The following PACS1 variants were observed in gnomAD, a reference collection of about 807,000 sequenced individuals.
The protein encoded by PACS1 is phosphofurin acidic cluster sorting protein 1.
PACS1 carries 24 observed loss-of-function variants against 115.0 expected under a neutral mutation model. The ratio of observed to expected loss-of-function variants is 0.21; its 90% confidence interval spans 0.15 to 0.29. PACS1 has a LOEUF of 0.29. Among genes scored for constraint, PACS1 ranks in the 10% least tolerant of loss-of-function variants. The pLI, the probability that PACS1 is intolerant of heterozygous loss-of-function variation, is 1.00. For synonymous variants in PACS1, 453 were observed against 504.5 expected, an observed-to-expected ratio of 0.90 and a Z score of 1.37; for missense variants, 838 against 1,251.2, an observed-to-expected ratio of 0.67 and a Z score of 4.98.
Position 66,227,550 on chromosome 11 carries a change from A to G in PACS1, c.1340A>G (p.Asn447Ser). The G allele has an allele frequency of 6.2e-7, 1 of 1,611,590 alleles. No homozygotes were observed. The highest frequency in any genetic ancestry group is 8.5e-7 in the Non-Finnish European group (1 of 1,178,468). ...LEKIKSTWIK[N>S]QDDSLTETDT... Reference sequence around the variant, plus strand: ...AAAATTAAATCTACTTGGATTAAAAACCAAGATGACAGCTTGACTGAAACA... The same window carrying G: ...AAAATTAAATCTACTTGGATTAAAAGCCAAGATGACAGCTTGACTGAAACA... The change falls in exon 11 of 24, where the codon AAC becomes AGC. Residue 447 changes from asparagine (N) to serine (S), a missense_variant. This residue lies in a region of PACS1 where 383 missense variants were observed against 537.0 expected (regional missense o/e 0.71). Coordinates refer to ENST00000320580, the MANE Select transcript of PACS1 (RefSeq NM_018026.4).
At position 66,241,523 on chromosome 11, in the gene PACS1, C is replaced by T. The variant is rs756607682; in HGVS notation, c.2526C>T (p.Asp842=). Residue 842 remains aspartate (D), a synonymous_variant, in exon 22 of 24, where the codon GAC becomes GAT. Coordinates refer to ENST00000320580, the MANE Select transcript of PACS1 (RefSeq NM_018026.4). Reference sequence around the variant, plus strand: ...GGAGGAGGGAAGGCGACAAGAGGGACGCCAGCTCGAAGAACACCCTCAAGA... The same window carrying T: ...GGAGGAGGGAAGGCGACAAGAGGGATGCCAGCTCGAAGAACACCCTCAAGA... ...GERRREGDKR[D]ASSKNTLKSV... The T allele has an allele frequency of 1.5e-5, 24 of 1,614,050 alleles. No individual in the cohort carries two copies. Among genetic ancestry groups the T allele is most frequent in the East Asian group, 6.7e-5 (3 of 44,896 alleles).
intron 2 of PACS1, among the ~76,000 whole-genome samples, chr11:66,205,464 A>G (rs1485512600): frequency 6.6e-6 from 1 of 151,962 alleles, no homozygotes; most frequent in African/African-American, 2.4e-5. Context: ...GATACCCAAT[A>G]TAACCTGATG....
At chr11:66,224,794 A>C (rs1422134695) in intron 10 of PACS1, among the ~76,000 whole-genome samples, 1 of 152,136 alleles carries the variant, frequency 6.6e-6, no homozygotes, top group Non-Finnish European at 1.5e-5. Flanking sequence ...ATTAGGAAAA[A>C]CCACGAGATT....
At chr11:66,130,977 G>A (rs1046491142) in intron 1 of PACS1, among the ~76,000 whole-genome samples, 4 of 151,744 alleles carry the variant, frequency 2.6e-5, no homozygotes, top group African/African-American at 9.7e-5. Flanking sequence ...AGACTGGGGT[G>A]GGAGGATCGC....
intron 1 of PACS1, among the ~76,000 whole-genome samples, chr11:66,153,466 G>A (rs1243849749): frequency 2.6e-5 from 4 of 152,126 alleles, no homozygotes; most frequent in Non-Finnish European, 4.4e-5. Context: ...GCAACATGGT[G>A]AGACCTTTTC....
chr11:66,151,726 A>G (rs1360401644), intron 1 of PACS1, among the ~76,000 whole-genome samples: 5 of 152,252 alleles, frequency 3.3e-5, no homozygotes, highest in African/African-American at 1.2e-4. Context: ...TGGAAAGTCT[A>G]ACTCATACTC....
intron 3 of PACS1, among the ~76,000 whole-genome samples, chr11:66,210,707 A>T (rs564750064): frequency 6.6e-6 from 1 of 152,292 alleles, no homozygotes; most frequent in African/African-American, 2.4e-5. Flanking sequence ...ACTGTTAGCC[A>T]TCTGCTGCAC....
intron 1 of PACS1, among the ~76,000 whole-genome samples, chr11:66,082,024 C>G (rs1209251697): frequency 1.3e-5 from 2 of 152,122 alleles, no homozygotes; most frequent in Non-Finnish European, 2.9e-5. Flanking sequence ...AGCATCAGGA[C>G]TTTATTTTTC....
At chr11:66,238,236 T>C (rs1855742924) in intron 19 of PACS1, 7 of 985,266 alleles carry the variant, frequency 7.1e-6, no homozygotes, top group Non-Finnish European at 8.4e-6. Flanking sequence ...TGTCCACACC[T>C]TAGCACGTCC....
At chr11:66,099,962 C>T (rs1857875904) in intron 1 of PACS1, among the ~76,000 whole-genome samples, 1 of 152,152 alleles carries the variant, frequency 6.6e-6, no homozygotes, top group South Asian at 2.1e-4. Context: ...CTCACTGCAA[C>T]CTCCGCCTCC....
intron 1 of PACS1, among the ~76,000 whole-genome samples, chr11:66,097,710 C>T (rs1431005059): frequency 6.6e-6 from 1 of 152,100 alleles, no homozygotes; most frequent in Non-Finnish European, 1.5e-5. Flanking sequence ...TTCCTGTTGC[C>T]CTGTATCTCC....
At chr11:66,176,959 A>AT (rs1261757630) in intron 1 of PACS1, among the ~76,000 whole-genome samples, 2 of 152,164 alleles carry the variant, frequency 1.3e-5, no homozygotes, top group African/African-American at 4.8e-5. Context: ...TGTTGTTTGC[A>AT]TGCCATTCTC....
Position 66,238,352 on chromosome 11 carries a change from C to CCT in PACS1, c.2251-451_2251-450dup, listed in dbSNP as rs1855744305. ...CATCAGGACATCACAGTGATTCCTG[C>CCT]CTTCAGCCCTTTATCCCCAGAGAAG... On this transcript the variant is annotated intron_variant, in intron 19 of 23. Coordinates refer to ENST00000320580, the MANE Select transcript of PACS1 (RefSeq NM_018026.4). The CCT allele has an allele frequency of 3.0e-6, 3 of 984,362 alleles. No individual in the cohort carries two copies. In the African/African-American group the frequency reaches 5.2e-5, roughly 17 times the overall value. 61.0% of individuals were successfully genotyped at this position (984,362 alleles called of 1,614,324 possible). A position where few individuals can be genotyped will look rare whatever the true frequency, so the allele number is the denominator to read the frequency against.
chr11:66,079,191 CA>C (rs1216844641), intron 1 of PACS1, among the ~76,000 whole-genome samples: 1 of 151,998 alleles, frequency 6.6e-6, no homozygotes, highest in Non-Finnish European at 1.5e-5. Flanking sequence ...AGCCTCTTTT[CA>C]GTTGTTTTTC....
rs1441019259 is a variant in PACS1, at chr11:66,070,680, C to A, written c.194C>A (p.Ala65Asp). The A allele has an allele frequency of 6.3e-7, 1 of 1,576,372 alleles. No homozygotes were observed. Among genetic ancestry groups the A allele is most frequent in the East Asian group, 2.4e-5 (1 of 41,970 alleles). The change falls in exon 1 of 24, where the codon GCC (alanine) becomes GAC (aspartate). Residue 65 changes from alanine to aspartate, a missense_variant. Transcript: ENST00000320580. This position sits in a 1 kb window ranked among gnomAD's most constrained non-coding sequence, Gnocchi z 5.9. The part of the protein sequence containing the change: ...SSSSSTSAAA[A>D]SSSSSSTSTS... ...TCCTCGTCCACCTCGGCGGCGGCTG[C>A]CTCCTCCTCGTCCTCGTCTACCTCC...
chr11:66,196,712 G>A (rs903389421), intron 2 of PACS1, among the ~76,000 whole-genome samples: 19 of 151,876 alleles, frequency 1.3e-4, no homozygotes, highest in African/African-American at 3.9e-4. Context: ...ATTCTCCTGC[G>A]TCAGCCTCCT....
chr11:66,216,668 C>T (rs1157914808), intron 6 of PACS1, 27 bp from the exon 7 acceptor site: 14 of 1,611,132 alleles, frequency 8.7e-6, no homozygotes, highest in African/African-American at 4.0e-5. Context: ...GGTTTCCCAC[C>T]CTCATTCTGT....
intron 1 of PACS1, among the ~76,000 whole-genome samples, chr11:66,093,189 C>T (rs1037773714): frequency 1.3e-5 from 2 of 152,170 alleles, no homozygotes; most frequent in Admixed American, 6.6e-5. Context: ...TCTTTTATTT[C>T]ATTGAGCAGT....
At chr11:66,094,132 A>G (rs1449707911) in intron 1 of PACS1, among the ~76,000 whole-genome samples, 1 of 151,080 alleles carries the variant, frequency 6.6e-6, no homozygotes, top group Non-Finnish European at 1.5e-5. Context: ...TCACAATTAA[A>G]AGAACTAGAA....
Sources: gnomAD v4.1 joint callset for allele counts (sites outside exome capture counted in the v4.1 genomes callset) on GRCh38, gnomAD v4.1.1 for gene constraint, gnomAD v4.1.1 regional missense constraint, Gnocchi (gnomAD v3.1) non-coding constraint, MANE v1.5 for transcripts, NCBI Gene and HGNC (gene_info 2026-07-23, HGNC 2026-07-21) for gene names.